ADGRL2: variants seen among roughly 807,000 people sequenced by gnomAD.
The protein encoded by ADGRL2 is calcium-independent alpha-latrotoxin receptor 2.
ADGRL2 carries 44 observed loss-of-function variants against 157.4 expected under a neutral mutation model. That is an observed-to-expected ratio of 0.28 (90% CI 0.22 to 0.36). The LOEUF is 0.36. Among genes scored for constraint, ADGRL2 ranks in the 10% least tolerant of loss-of-function variants. The probability of loss-of-function intolerance (pLI) is 1.00; values close to 1 mark genes in which losing one functional copy is unlikely to be tolerated. For synonymous variants in ADGRL2, 585 were observed against 624.7 expected (o/e 0.94, Z 0.95); for missense variants, 1,510 against 1,768.9 (o/e 0.85, Z 2.63).
intron 2 of ADGRL2, among the ~76,000 whole-genome samples, chr1:81,903,736 A>G (rs892432821): frequency 7.0e-6 from 1 of 143,210 alleles, no homozygotes; most frequent in Non-Finnish European, 1.5e-5. Flanking sequence ...TATACATTAT[A>G]TATACACATT....
intron 1 of ADGRL2, among the ~76,000 whole-genome samples, chr1:81,760,412 A>T (rs2085836788): frequency 6.6e-6 from 1 of 152,150 alleles, no homozygotes; most frequent in African/African-American, 2.4e-5. Context: ...AGTTATCTAC[A>T]GTATTAAGAT....
Position 81,888,492 on chromosome 1 carries a change from C to T in ADGRL2, c.74-18525C>T, listed in dbSNP as rs193119755. Among the ~76,000 whole-genome samples, 689 of 152,108 alleles carry T rather than the reference C, an allele frequency of 4.5e-3. 6 individuals are homozygous for T. The highest frequency in any genetic ancestry group is 0.013 in the African/African-American group (537 of 41,486). On this transcript the variant is annotated intron_variant, in intron 2 of 23. Coordinates refer to ENST00000686636, the MANE Select transcript of ADGRL2 (RefSeq NM_001366006.2). ...TCTTGCTCTGTAACCCAGGCTGGAG[C>T]GCAGTGGTGCAATCTCGCTCACTGC...
intron 3 of ADGRL2, among the ~76,000 whole-genome samples, chr1:81,686,653 G>A (rs2083234240): frequency 6.6e-6 from 1 of 151,854 alleles, no homozygotes; most frequent in Admixed American, 6.6e-5. Flanking sequence ...CTCTGATCTC[G>A]GTTATTTCCT....
At chr1:81,774,216 T>A (rs2086487886) in intron 2 of ADGRL2, among the ~76,000 whole-genome samples, 1 of 152,248 alleles carries the variant, frequency 6.6e-6, no homozygotes, top group African/African-American at 2.4e-5. Flanking sequence ...CTGGCCAATC[T>A]AACCCTAAAA....
chr1:81,532,769 A>T (rs964185074), intron 2 of ADGRL2, among the ~76,000 whole-genome samples: 15 of 151,642 alleles, frequency 9.9e-5, no homozygotes, highest in Admixed American at 7.2e-4. Flanking sequence ...AAATGTAAAA[A>T]ATTAGCCAGG....
rs547510977 is a variant in ADGRL2, at chr1:81,785,721, C to A, written c.-101+23869C>A. On this transcript the variant is annotated intron_variant, in intron 2 of 20. Transcript: ENST00000359929. ...CTAGCCTGAGCGACAAAGTGAGACC[C>A]CGTGTCTAAAAAAACGACAACAAAA... Among the ~76,000 whole-genome samples, 8 of 151,848 alleles carry A rather than the reference C, an allele frequency of 5.3e-5. No individual in the cohort carries two copies. The South Asian group carries it at 1.7e-3, about 32-fold the overall frequency.
At chr1:81,829,791 G>A (rs1358220677) in intron 1 of ADGRL2, among the ~76,000 whole-genome samples, 1 of 152,118 alleles carries the variant, frequency 6.6e-6, no homozygotes, top group Non-Finnish European at 1.5e-5. Flanking sequence ...TTATCATTGG[G>A]AAAATTGGAA....
chr1:81,974,903 A>G (rs1268266245), intron 17 of ADGRL2, among the ~76,000 whole-genome samples: 16 of 152,088 alleles, frequency 1.1e-4, no homozygotes, highest in Admixed American at 1.0e-3. Flanking sequence ...ATAATAATTT[A>G]TGAAATTATT....
intron 2 of ADGRL2, chr1:81,503,044 G>C (rs548669283): frequency 1.2e-6 from 2 of 1,610,968 alleles, no homozygotes; most frequent in African/African-American, 2.7e-5. Flanking sequence ...TCGGACCGCC[G>C]CACTGGAGCA....
chr1:81,385,909 G>T (rs1180364053), intron 1 of ADGRL2, among the ~76,000 whole-genome samples: 2 of 151,856 alleles, frequency 1.3e-5, no homozygotes. Context: ...AAAATGAAAG[G>T]TCTTTAGAAA....
At chr1:81,731,999 G>A (rs191655082) in intron 1 of ADGRL2, among the ~76,000 whole-genome samples, 23 of 152,314 alleles carry the variant, frequency 1.5e-4, no homozygotes, top group African/African-American at 5.1e-4. Flanking sequence ...AGAGACTAGA[G>A]TATCACTAGT....
intron 2 of ADGRL2, among the ~76,000 whole-genome samples, chr1:81,470,415 G>C (rs1041604312): frequency 6.6e-6 from 1 of 152,060 alleles, no homozygotes; most frequent in African/African-American, 2.4e-5. Flanking sequence ...ACCCCCAACT[G>C]CTCCCTGTAC....
intron 3 of ADGRL2, among the ~76,000 whole-genome samples, chr1:81,621,638 A>G (rs955250983): frequency 6.6e-6 from 1 of 152,192 alleles, no homozygotes; most frequent in African/African-American, 2.4e-5. Flanking sequence ...TCTTTAGTTG[A>G]GTCTCCAGAT....
Position 81,595,411 on chromosome 1 carries a change from G to C in ADGRL2, c.-143+14431G>C, listed in dbSNP as rs149935464. On this transcript the variant is annotated intron_variant, in intron 3 of 24. Coordinates refer to the ADGRL2 transcript ENST00000370721. ...ATTTTTACATCTCAAGGGTATTTTT[G>C]CAGGACATAAGTTGTGACTGTAATG... Among the ~76,000 whole-genome samples, 380 of 152,258 alleles carry C rather than the reference G, an allele frequency of 2.5e-3. 2 individuals carry two copies. The highest frequency in any genetic ancestry group is 8.3e-3 in the African/African-American group (346 of 41,558).
chr1:81,486,455 G>GA (rs1407780956), intron 2 of ADGRL2, among the ~76,000 whole-genome samples: 1 of 151,026 alleles, frequency 6.6e-6, no homozygotes, highest in Non-Finnish European at 1.5e-5. Flanking sequence ...ACTACTTTGG[G>GA]AAAAAAATAT....
chr1:81,768,918 T>TA (rs371032503), intron 2 of ADGRL2, among the ~76,000 whole-genome samples: 36 of 150,958 alleles, frequency 2.4e-4, no homozygotes, highest in East Asian at 1.2e-3. Context: ...CCGTCTCTAC[T>TA]AAAAAAAAAT....
intron 2 of ADGRL2, among the ~76,000 whole-genome samples, chr1:81,543,925 A>G (rs144938241): frequency 5.9e-5 from 9 of 152,190 alleles, no homozygotes; most frequent in East Asian, 1.9e-4. Flanking sequence ...ATTAAAGCCT[A>G]TTTACACCGG....
intron 2 of ADGRL2, among the ~76,000 whole-genome samples, chr1:81,794,542 C>G (rs892874231): frequency 6.6e-6 from 1 of 152,104 alleles, no homozygotes; most frequent in South Asian, 2.1e-4. Flanking sequence ...CAAATTTTTC[C>G]CCAAATTTTT....
chr1:81,805,760 A>C (rs2089040973), intron 1 of ADGRL2, among the ~76,000 whole-genome samples: 2 of 151,270 alleles, frequency 1.3e-5, no homozygotes, highest in African/African-American at 2.4e-5. Context: ...ACATTGATGT[A>C]ATTGCTATTA....
Sources: allele counts gnomAD v4.1 joint callset (sites outside exome capture counted in the v4.1 genomes callset), GRCh38; gene constraint gnomAD v4.1.1; transcripts MANE v1.5; gene names NCBI Gene and HGNC (gene_info 2026-07-23, HGNC 2026-07-21).